CCDC158: variants seen among roughly 807,000 people sequenced by gnomAD.
The protein encoded by CCDC158 is coiled-coil domain containing 158.
Under a neutral mutation model 138.6 loss-of-function variants are expected in CCDC158, and 116 were observed. The ratio of observed to expected loss-of-function variants is 0.84; its 90% CI spans 0.72 to 0.98. The LOEUF is 0.98. Among genes scored for constraint, CCDC158 ranks in the 50% least tolerant of loss-of-function variants. The pLI is 0.00. For synonymous variants in CCDC158, 436 were observed against 442.4 expected, an observed-to-expected ratio of 0.99 and a Z score of 0.18; for missense variants, 1,265 against 1,306.1, an observed-to-expected ratio of 0.97 and a Z score of 0.48.
chr4:76,408,676 A>G (rs923966170), intron 2 of CCDC158, among the ~76,000 whole-genome samples: 2 of 152,182 alleles, frequency 1.3e-5, no homozygotes, highest in Admixed American at 6.5e-5. Flanking sequence ...TAGCCGCATG[A>G]TTTATAATCC....
chr4:76,345,093 G>A, intron 18 of CCDC158: 1 of 1,279,652 alleles, frequency 7.8e-7, no homozygotes, highest in Middle Eastern at 2.2e-4. Context: ...CATAAAAATT[G>A]TTGCCGATGT....
intron 18 of CCDC158, among the ~76,000 whole-genome samples, chr4:76,346,964 A>G (rs929688782): frequency 1.3e-5 from 2 of 152,214 alleles, no homozygotes; most frequent in Non-Finnish European, 2.9e-5. Flanking sequence ...AATGCAAATC[A>G]AAACCAAAAT....
chr4:76,355,229 C>T, intron 15 of CCDC158, 95 bp downstream of exon 15: 1 of 793,734 alleles, frequency 1.3e-6, no homozygotes. Context: ...TTTCCTTTTC[C>T]CCTTGCACTT....
intron 2 of CCDC158, among the ~76,000 whole-genome samples, chr4:76,403,609 G>T (rs1482873089): frequency 6.6e-6 from 1 of 152,122 alleles, no homozygotes; most frequent in Non-Finnish European, 1.5e-5. Flanking sequence ...CATCAAAATG[G>T]AAGTCACTAA....
intron 18 of CCDC158, 58 bp downstream of exon 18, chr4:76,350,938 T>C (rs1722979506): frequency 2.0e-6 from 3 of 1,510,792 alleles, no homozygotes. Context: ...TTCTTTCCAA[T>C]TTAAAATTAC....
At chr4:76,389,461 G>A (rs1438996490) in intron 4 of CCDC158, among the ~76,000 whole-genome samples, 1 of 152,050 alleles carries the variant, frequency 6.6e-6, no homozygotes, top group East Asian at 1.9e-4. Flanking sequence ...CACACCTAAA[G>A]CTCTAGAAAA....
intron 10 of CCDC158, among the ~76,000 whole-genome samples, chr4:76,370,919 T>TA (rs1463668160): frequency 2.0e-5 from 3 of 152,192 alleles, no homozygotes; most frequent in Non-Finnish European, 4.4e-5. Flanking sequence ...TATTCTGTTA[T>TA]ACCACTAATA....
Position 76,384,076 on chromosome 4 carries a change from C to T in CCDC158, c.726+12G>A. The stretch of plus-strand genomic sequence containing the variant: ...AATATAAAATTATTTAAGTAGCATT[C>T]TCACCACTTACTGGAAATATCCTCC... On this transcript the variant is annotated intron_variant, in intron 6 of 24. Coordinates refer to ENST00000682701, the MANE Select transcript of CCDC158 (RefSeq NM_001394954.1). The T allele has an allele frequency of 3.3e-6, 5 of 1,528,800 alleles. No individual in the cohort carries two copies. The highest frequency in any genetic ancestry group is 4.5e-6 in the Non-Finnish European group (5 of 1,111,636). The allele number at this position is 1,528,800 out of a possible 1,614,324, so 94.7% of individuals were successfully genotyped here.
At chr4:76,409,658 C>T (rs1428484770) in intron 2 of CCDC158, among the ~76,000 whole-genome samples, 2 of 151,950 alleles carry the variant, frequency 1.3e-5, no homozygotes, top group Admixed American at 6.6e-5. Flanking sequence ...GGTGAAACCT[C>T]GTCTCTACTA....
At chr4:76,390,187 T>C (rs979511810) in intron 4 of CCDC158, among the ~76,000 whole-genome samples, 6 of 152,202 alleles carry the variant, frequency 3.9e-5, no homozygotes, top group African/African-American at 1.2e-4. Flanking sequence ...GAGAAACAAC[T>C]AAAAGTTAAA....
chr4:76,421,304 GACTCCGCCCGCCGGA>G (rs1313734456), upstream of CCDC158, among the ~76,000 whole-genome samples: 4 of 151,972 alleles, frequency 2.6e-5, no homozygotes. Flanking sequence ...CCGCGCCTGC[GACTCCGCCCGCCGGA>G]CGCCGTCGCT....
Position 76,384,082 on chromosome 4 carries a change from A to G in CCDC158, c.726+6T>C. ...AAATTATTTAAGTAGCATTCTCACC[A>G]CTTACTGGAAATATCCTCCCTTTAA... On this transcript the variant is annotated splice_donor_region_variant and intron_variant, in intron 6 of 24. Coordinates refer to ENST00000682701, the MANE Select transcript of CCDC158 (RefSeq NM_001394954.1). 1.3e-6 allele frequency: 2 copies of G among 1,558,480 alleles called. No homozygotes were observed. Among genetic ancestry groups the G allele is most frequent in the Non-Finnish European group, 1.8e-6 (2 of 1,136,140 alleles).
chr4:76,416,979 C>G (rs1729749676), intron 1 of CCDC158, among the ~76,000 whole-genome samples: 1 of 152,210 alleles, frequency 6.6e-6, no homozygotes, highest in African/African-American at 2.4e-5. Flanking sequence ...GATCCACCAA[C>G]ACCTTGCACT....
At chr4:76,319,782 G>T (rs1338964277) in intron 24 of CCDC158, among the ~76,000 whole-genome samples, 1 of 151,734 alleles carries the variant, frequency 6.6e-6, no homozygotes, top group Non-Finnish European at 1.5e-5. Flanking sequence ...GGCACAGATG[G>T]GACATACCTC....
intron 18 of CCDC158, among the ~76,000 whole-genome samples, chr4:76,341,929 C>A (rs948406230): frequency 1.3e-5 from 2 of 152,182 alleles, no homozygotes; most frequent in African/African-American, 4.8e-5. Flanking sequence ...TATAGGGTAT[C>A]TATTTACGTC....
Position 76,351,775 on chromosome 4 carries a change from T to C in CCDC158, c.2483A>G (p.Gln828Arg). 6.2e-7 allele frequency: 1 copy of C among 1,613,366 alleles called. No individual in the cohort carries two copies. Among genetic ancestry groups the C allele is most frequent in the Non-Finnish European group, 8.5e-7 (1 of 1,179,456 alleles). The change falls in exon 17 of 25, where the codon CAG becomes CGG. Residue 828 changes from glutamine to arginine, a missense_variant. Physicochemically the swap from Gln to Arg is conservative, Grantham distance 43. Coordinates refer to ENST00000682701, the MANE Select transcript of CCDC158 (RefSeq NM_001394954.1). ...LQFAECQDII[Q>R]RQEQESVRLK... Reference sequence around the variant, plus strand: ...GCGCACTGATTCTTGCTCCTGACGCTGTATTATATCTTGACATTCTGCAAA... The same window carrying C: ...GCGCACTGATTCTTGCTCCTGACGCCGTATTATATCTTGACATTCTGCAAA...
Position 76,381,110 on chromosome 4 carries a change from T to A in CCDC158, c.914+1500A>T, listed in dbSNP as rs185374756. 3.7e-3 allele frequency among the ~76,000 whole-genome samples: 569 copies of A among 152,336 alleles called. 1 individual carries two copies. Among genetic ancestry groups the A allele is most frequent in the South Asian group, 0.015 (71 of 4,830 alleles). On this transcript the variant is annotated intron_variant, in intron 8 of 24. Coordinates refer to ENST00000682701, the MANE Select transcript of CCDC158 (RefSeq NM_001394954.1). ...GAGTAGAGCCCTCATGGGGAACCTC[T>A]ACTAGGGTAATGTGGAGGGGAAATG... is the stretch of plus-strand genomic sequence containing the variant.
intron 24 of CCDC158, among the ~76,000 whole-genome samples, chr4:76,317,388 G>A (rs1380607639): frequency 2.6e-5 from 4 of 151,802 alleles, no homozygotes; most frequent in Non-Finnish European, 5.9e-5. Context: ...AGACAAAGAG[G>A]GATATTATAT....
At chr4:76,378,278 G>A (rs1185388559) in intron 9 of CCDC158, among the ~76,000 whole-genome samples, 1 of 152,150 alleles carries the variant, frequency 6.6e-6, no homozygotes, top group African/African-American at 2.4e-5. Flanking sequence ...GCAATATATG[G>A]AGCTTTCCTC....
Sources: allele counts gnomAD v4.1 joint callset (sites outside exome capture counted in the v4.1 genomes callset), GRCh38; gene constraint gnomAD v4.1.1; transcripts MANE v1.5; gene names NCBI Gene and HGNC (gene_info 2026-07-23, HGNC 2026-07-21).